The following TIAM2 variants were observed in gnomAD, a reference collection of about 807,000 sequenced individuals.
The protein encoded by TIAM2 is TIAM Rac1 associated GEF 2, also known as rho guanine nucleotide exchange factor TIAM2.
Under a neutral mutation model 152.9 loss-of-function variants are expected in TIAM2, and 80 were observed. The observed-to-expected ratio is 0.52, with a 90% CI of 0.44 to 0.63. The LOEUF is 0.63. TIAM2 is among the 30% of genes least tolerant of loss of function. TIAM2 has a pLI of 0.00. For synonymous variants in TIAM2, 804 were observed against 838.0 expected (o/e 0.96, Z 0.70); for missense variants, 1,965 against 2,120.1 (o/e 0.93, Z 1.44).
intron 1 of TIAM2, among the ~76,000 whole-genome samples, chr6:155,067,861 C>T (rs886742441): frequency 1.3e-5 from 2 of 152,040 alleles, no homozygotes; most frequent in East Asian, 1.9e-4. Context: ...GGGCTGGTCT[C>T]GAACTCCTGG....
At chr6:155,101,867 A>G (rs1283699037) in intron 2 of TIAM2, among the ~76,000 whole-genome samples, 1 of 151,768 alleles carries the variant, frequency 6.6e-6, no homozygotes, top group African/African-American at 2.4e-5. Context: ...ACGCCTGGCT[A>G]TTTTTTGTAT....
intron 15 of TIAM2, among the ~76,000 whole-genome samples, chr6:155,220,752 C>T (rs17086060): frequency 0.027 from 4,109 of 152,176 alleles, 191 homozygotes; most frequent in African/African-American, 0.094. Flanking sequence ...AATAATCAAG[C>T]GTGTCTTACC....
intron 1 of TIAM2, among the ~76,000 whole-genome samples, chr6:155,009,457 G>A (rs1331942552): frequency 1.3e-5 from 2 of 152,084 alleles, no homozygotes; most frequent in Non-Finnish European, 2.9e-5. Context: ...GATGTTTCTA[G>A]GTGATGCTGC....
chr6:155,094,724 GTTTT>G (rs200208029), intron 2 of TIAM2, among the ~76,000 whole-genome samples: 7 of 136,188 alleles, frequency 5.1e-5, no homozygotes, highest in African/African-American at 1.1e-4. Context: ...TATATCTATG[GTTTT>G]TTTTTTTTTG....
At chr6:155,026,992 T>C (rs1312866913) in intron 1 of TIAM2, among the ~76,000 whole-genome samples, 2 of 152,156 alleles carry the variant, frequency 1.3e-5, no homozygotes, top group African/African-American at 4.8e-5. Context: ...TTTGTGTCTA[T>C]TTCTGGACTT....
At chr6:155,244,548 T>C in intron 17 of TIAM2, 110 bp from the exon 18 acceptor site, 1 of 1,339,452 alleles carries the variant, frequency 7.5e-7, no homozygotes, top group South Asian at 1.5e-5. Context: ...ACTTTCTGTC[T>C]GCTTTTCCGT....
chr6:155,028,050 T>A lies in TIAM2; in HGVS notation c.-209+32558T>A, dbSNP rs1007321191. Among the ~76,000 whole-genome samples, 56 of 116,320 alleles carry A rather than the reference T, an allele frequency of 4.8e-4. 2 individuals carry two copies. The East Asian group carries it at 0.013, about 27-fold the overall frequency. 76.3% of individuals were successfully genotyped at this position (116,320 alleles called of 152,430 possible). A position where few individuals can be genotyped will look rare whatever the true frequency, so the allele number is the denominator to read the frequency against. ...TACTATATATAATATATGTACTGTG[T>A]TACATATATACTATATATAATATAT... On this transcript the variant is annotated intron_variant, in intron 1 of 26. Coordinates refer to ENST00000682666, the MANE Select transcript of TIAM2 (RefSeq NM_012454.4).
chr6:155,187,573 C>CTTTTTTTTTTTTTTTTTTTTTTTTTTTTT (rs59818801), intron 14 of TIAM2, among the ~76,000 whole-genome samples: 5 of 49,620 alleles, frequency 1.0e-4, no homozygotes, highest in Admixed American at 5.6e-4. Context: ...ACCCCGCCCC[C>CTTTTTTTTTTTTTTTTTTTTTTTTTTTTT]TTTTTTTTTT....
intron 4 of TIAM2, among the ~76,000 whole-genome samples, chr6:155,136,396 C>T (rs970605133): frequency 6.6e-5 from 10 of 151,328 alleles, no homozygotes; most frequent in African/African-American, 2.4e-4. Flanking sequence ...TGCCTCAGCC[C>T]CCTGAGTAGC....
At chr6:155,078,724 C>T (rs1778004620) in intron 1 of TIAM2, among the ~76,000 whole-genome samples, 1 of 152,220 alleles carries the variant, frequency 6.6e-6, no homozygotes, top group Admixed American at 6.5e-5. Flanking sequence ...TTTCCTGCTC[C>T]CAGTCTGCTC....
At position 155,083,365 on chromosome 6, in the gene TIAM2, AAAAGAGAG is replaced by A. The variant is rs1431012645; in HGVS notation, c.-208-6922_-208-6915del. On this transcript the variant is annotated intron_variant, in intron 1 of 26. Coordinates refer to ENST00000682666, the MANE Select transcript of TIAM2 (RefSeq NM_012454.4). Reference sequence around the variant, plus strand: ...CTTTATCTCAAAAAAAAAAAAAAAAAAAAGAGAGAGAGAGAGAGAGATGGGCAAGACAC... The same window carrying A: ...CTTTATCTCAAAAAAAAAAAAAAAAAAGAGAGAGAGAGATGGGCAAGACAC... Among the ~76,000 whole-genome samples, 11 of 150,686 alleles carry A rather than the reference AAAAGAGAG, an allele frequency of 7.3e-5. No individual in the cohort carries two copies. In the East Asian group the frequency reaches 9.9e-4, roughly 14 times the overall value.
chr6:155,205,555 A>G (rs1008564305), intron 14 of TIAM2, among the ~76,000 whole-genome samples: 2 of 152,128 alleles, frequency 1.3e-5, no homozygotes, highest in African/African-American at 2.4e-5. Flanking sequence ...AGGGACTACA[A>G]AGAACTTTCT....
intron 1 of TIAM2, among the ~76,000 whole-genome samples, chr6:155,033,295 T>G (rs1244641312): frequency 1.3e-5 from 2 of 152,218 alleles, no homozygotes; most frequent in Non-Finnish European, 2.9e-5. Flanking sequence ...GGAGCATGGT[T>G]ACGTTTTAGG....
chr6:155,032,372 T>G (rs1016661922), intron 1 of TIAM2, among the ~76,000 whole-genome samples: 2 of 152,126 alleles, frequency 1.3e-5, no homozygotes, highest in Non-Finnish European at 2.9e-5. Context: ...CTGATAGCAA[T>G]CTATGTCATG....
At chr6:155,030,380 T>G (rs1309772443) in intron 1 of TIAM2, among the ~76,000 whole-genome samples, 1 of 152,154 alleles carries the variant, frequency 6.6e-6, no homozygotes, top group African/African-American at 2.4e-5. Context: ...GAAGTTGATT[T>G]TAACAGTCCT....
chr6:155,014,401 G>A (rs1778539183), intron 1 of TIAM2, among the ~76,000 whole-genome samples: 1 of 152,112 alleles, frequency 6.6e-6, no homozygotes, highest in African/African-American at 2.4e-5. Flanking sequence ...ATTATGTTAA[G>A]TAGTTTTTGT....
At chr6:155,026,932 C>G (rs1361551006) in intron 1 of TIAM2, among the ~76,000 whole-genome samples, 1 of 152,192 alleles carries the variant, frequency 6.6e-6, no homozygotes, top group Non-Finnish European at 1.5e-5. Flanking sequence ...TAGTGCACAT[C>G]TTTACCTACT....
At chr6:155,099,243 TGTGTG>T in intron 2 of TIAM2, among the ~76,000 whole-genome samples, 1 of 151,812 alleles carries the variant, frequency 6.6e-6, no homozygotes, top group South Asian at 2.1e-4. Context: ...TGTGTGTGTG[TGTGTG>T]TGTGTGTGTG....
At chr6:155,211,446 A>C in intron 15 of TIAM2, 139 bp downstream of exon 15, 2 of 611,768 alleles carry the variant, frequency 3.3e-6, no homozygotes, top group Non-Finnish European at 5.7e-6. Flanking sequence ...ATATATGTTA[A>C]GGATACAGCT....
Sources: allele counts gnomAD v4.1 joint callset (sites outside exome capture counted in the v4.1 genomes callset), GRCh38; gene constraint gnomAD v4.1.1; transcripts MANE v1.5; gene names NCBI Gene and HGNC (gene_info 2026-07-23, HGNC 2026-07-21).